Variants in HEATR5B observed in about 807,000 individuals in gnomAD.
HEATR5B encodes the protein HEAT repeat-containing protein 5B.
HEATR5B carries 156 observed loss-of-function variants against 224.1 expected under a neutral mutation model. The ratio of observed to expected loss-of-function variants is 0.70; its 90% confidence interval spans 0.61 to 0.80. The LOEUF is 0.80. Ranked by LOEUF, HEATR5B falls within the 30% of genes least tolerant of loss-of-function variation. HEATR5B has a pLI of 0.00. For synonymous variants in HEATR5B, 1,027 were observed against 893.0 expected, an observed-to-expected ratio of 1.15 and a Z score of -2.68; for missense variants, 2,323 against 2,535.5, an observed-to-expected ratio of 0.92 and a Z score of 1.80.
At position 37,072,147 on chromosome 2, in the gene HEATR5B, T is replaced by C. The variant is rs766941344; in HGVS notation, c.732A>G (p.Thr244=). 1 of 1,614,162 alleles carries C rather than the reference T, an allele frequency of 6.2e-7. No homozygotes were observed. The highest frequency in any genetic ancestry group is 8.5e-7 in the Non-Finnish European group (1 of 1,179,994). ...TTGGCATTAATGCTGTGGCCATGACTGTTCCTAAAAGTTTAGACACTGCCA... is the reference window on the plus strand; with the variant it reads ...TTGGCATTAATGCTGTGGCCATGACCGTTCCTAAAAGTTTAGACACTGCCA... ...VRVAVSKLLG[T]VMATALMPKQ... is the part of the protein sequence containing the mutation. The change falls in exon 6 of 36, where the codon ACA becomes ACG. Residue 244 remains threonine (T), a synonymous_variant. Transcript: ENST00000233099.
intron 5 of HEATR5B, among the ~76,000 whole-genome samples, chr2:37,072,943 G>A (rs1224715896): frequency 6.6e-6 from 1 of 152,178 alleles, no homozygotes; most frequent in Non-Finnish European, 1.5e-5. Context: ...CAGTATCTAT[G>A]TTAAAATTTG....
At chr2:37,008,083 G>A (rs1353434544) in intron 28 of HEATR5B, 1 of 156,254 alleles carries the variant, frequency 6.4e-6, no homozygotes, top group Non-Finnish European at 1.4e-5. Context: ...AAAGGGGGCG[G>A]GGGAACTCCA....
intron 33 of HEATR5B, among the ~76,000 whole-genome samples, chr2:36,995,357 A>G (rs1176746079): frequency 6.6e-6 from 1 of 152,112 alleles, no homozygotes; most frequent in Non-Finnish European, 1.5e-5. Flanking sequence ...CTTTGGGATT[A>G]CAGGTGTGAG....
chr2:36,989,239 C>T (rs1390552280), intron 34 of HEATR5B, among the ~76,000 whole-genome samples: 1 of 152,086 alleles, frequency 6.6e-6, no homozygotes, highest in East Asian at 1.9e-4. Context: ...GTGCGCACCA[C>T]CACACCCAGC....
rs536644377 is a variant in HEATR5B at position 37,007,486 on chromosome 2, G to A, written c.4523-182C>T. 1.9e-3 allele frequency among the ~76,000 whole-genome samples: 290 copies of A among 151,988 alleles called. 2 individuals are homozygous for A. The highest frequency in any genetic ancestry group is 6.8e-3 in the African/African-American group (283 of 41,468). On this transcript the variant is annotated intron_variant, in intron 28 of 35. Coordinates refer to ENST00000233099, the MANE Select transcript of HEATR5B (RefSeq NM_019024.3). Reference sequence around the variant, plus strand: ...AGCCTCCTCAGAAGCTGGGACTACAGACATGCGCCGCAATGCCCAGCTAAT... The same window carrying A: ...AGCCTCCTCAGAAGCTGGGACTACAAACATGCGCCGCAATGCCCAGCTAAT...
rs1333274016 is a variant in HEATR5B at position 37,019,832 on chromosome 2, C to G, written c.4081G>C (p.Asp1361His). Residue 1361 changes from aspartate (D) to histidine (H), a missense_variant, in exon 26 of 36, where the codon GAT becomes CAT. Physicochemically the swap from Asp to His is moderately conservative, Grantham distance 81. Transcript: ENST00000233099. ...RPAFSQDTPSDIIAKACQVCS... is the reference protein window; with the variant it reads ...RPAFSQDTPSHIIAKACQVCS... ...ACCTGGCAAGCTTTCGCTATTATAT[C>G]TGATGGTGTATCTTGTGAAAAGGCT... is the stretch of plus-strand genomic sequence containing the variant. 6.2e-7 allele frequency: 1 copy of G among 1,610,350 alleles called. No individual in the cohort carries two copies. The highest frequency in any genetic ancestry group is 8.5e-7 in the Non-Finnish European group (1 of 1,177,838).
At chr2:37,070,134 A>T (rs1011471970) in intron 7 of HEATR5B, 96 bp downstream of exon 7, 1 of 1,134,626 alleles carries the variant, frequency 8.8e-7, no homozygotes, top group African/African-American at 1.5e-5. Flanking sequence ...TCCTGACCTC[A>T]GGCAATCTGC....
chr2:37,066,432 C>T (rs2148575632), intron 8 of HEATR5B, among the ~76,000 whole-genome samples: 1 of 152,252 alleles, frequency 6.6e-6, no homozygotes, highest in Non-Finnish European at 1.5e-5. Context: ...ACTTTATTAC[C>T]ATTGCTACTT....
At chr2:37,082,593 C>A (rs1417381951) in intron 2 of HEATR5B, among the ~76,000 whole-genome samples, 3 of 152,200 alleles carry the variant, frequency 2.0e-5, no homozygotes, top group Admixed American at 6.5e-5. Context: ...ATACCATGAG[C>A]GATCTGCGCC....
chr2:37,069,637 C>T (rs972008528), intron 7 of HEATR5B, among the ~76,000 whole-genome samples: 3 of 152,076 alleles, frequency 2.0e-5, no homozygotes, highest in Admixed American at 6.5e-5. Flanking sequence ...AACTGAGTTA[C>T]TTTATATCTG....
Position 37,000,728 on chromosome 2 carries a change from A to T in HEATR5B, c.5403T>A (p.Val1801=). 2 of 1,614,168 alleles carry T rather than the reference A, an allele frequency of 1.2e-6. No homozygotes were observed. The highest frequency in any genetic ancestry group is 8.5e-7 in the Non-Finnish European group (1 of 1,179,982). ...GAAGAGCTGCACTGACTGGTGGAGG[A>T]ACCTGATTATCTGCAGACTTTATTG... The part of the protein sequence containing the change: ...DTAIKSADNQ[V]PPPVSAALQG... The change falls in exon 33 of 36, where the codon GTT becomes GTA. Residue 1801 remains valine (V), a synonymous_variant. Coordinates refer to ENST00000233099, the MANE Select transcript of HEATR5B (RefSeq NM_019024.3).
At chr2:37,053,184 A>G (rs1396175936) in intron 17 of HEATR5B, among the ~76,000 whole-genome samples, 1 of 152,236 alleles carries the variant, frequency 6.6e-6, no homozygotes, top group Non-Finnish European at 1.5e-5. Context: ...ATCAAGCTTC[A>G]GCTCTATTTA....
At position 37,062,142 on chromosome 2, in the gene HEATR5B, G is replaced by A. The variant is rs1162422875; in HGVS notation, c.1585-92C>T. 7.7e-6 allele frequency: 6 copies of A among 780,968 alleles called. No individual in the cohort carries two copies. In the Admixed American group the frequency reaches 1.0e-4, roughly 14 times the overall value. 48.4% of individuals were successfully genotyped at this position (780,968 alleles called of 1,614,324 possible). On this transcript the variant is annotated intron_variant, in intron 10 of 35. Transcript: ENST00000233099. ...TAGCATACATTACTTAAAAGAAGTT[G>A]TTGGCTGGATGCGGTGGCTCATGCC...
At position 37,013,969 on chromosome 2, in the gene HEATR5B, G is replaced by A. The variant is rs750393634; in HGVS notation, c.4156C>T (p.Arg1386Cys). Residue 1386 changes from arginine to cysteine, a missense_variant, in exon 27 of 36, where the codon CGT (arginine) becomes TGT (cysteine). Around this residue, in one of 12 missense-constraint regions of HEATR5B, gnomAD observed 339 missense variants for 378.4 expected, o/e 0.90. Transcript: ENST00000233099. ...SGVVSDLNDLRRVHNLLVSSL... is the reference protein window; with the variant it reads ...SGVVSDLNDLCRVHNLLVSSL... ...GAAACAAGAAGATTGTGTACTCGACGGAGATCATTGAGATCACTGACAACT... is the reference window on the plus strand; with the variant it reads ...GAAACAAGAAGATTGTGTACTCGACAGAGATCATTGAGATCACTGACAACT... 3.1e-6 allele frequency: 5 copies of A among 1,609,788 alleles called. 1 individual carries two copies. In the South Asian group the frequency reaches 4.4e-5, roughly 14 times the overall value.
rs778798250 is a variant in HEATR5B, at chr2:37,065,764, C to T, written c.1324G>A (p.Ala442Thr). ...NATASPLIQE[A>T]SIGLLEIVTS... ...TAACTGAATGTCATACCTATAGATGCTTCTTGAATAAGAGGGGATGCGGTG... is the reference window on the plus strand; with the variant it reads ...TAACTGAATGTCATACCTATAGATGTTTCTTGAATAAGAGGGGATGCGGTG... The change falls in exon 9 of 36, where the codon GCA (alanine) becomes ACA (threonine). Residue 442 changes from alanine (A) to threonine (T), a missense_variant. Physicochemically the swap from Ala to Thr is moderately conservative, Grantham distance 58. Around this residue, in one of 12 missense-constraint regions of HEATR5B, gnomAD observed 502 missense variants for 517.8 expected, o/e 0.97. Transcript: ENST00000233099. 1 of 1,613,136 alleles carries T rather than the reference C, an allele frequency of 6.2e-7. No homozygotes were observed. Among genetic ancestry groups the T allele is most frequent in the South Asian group, 1.1e-5 (1 of 90,954 alleles).
chr2:37,046,711 T>C (rs1490760319), intron 18 of HEATR5B, among the ~76,000 whole-genome samples: 4 of 151,564 alleles, frequency 2.6e-5, no homozygotes, highest in Admixed American at 2.6e-4. Context: ...GTTTGCCTAC[T>C]GCAAACTAAA....
At chr2:37,055,403 T>C (rs908846951) in intron 16 of HEATR5B, among the ~76,000 whole-genome samples, 4 of 152,218 alleles carry the variant, frequency 2.6e-5, no homozygotes, top group African/African-American at 4.8e-5. Flanking sequence ...TAACTAGTTG[T>C]ATAACCTTGG....
At chr2:37,037,234 C>T (rs1669552122) in intron 21 of HEATR5B, among the ~76,000 whole-genome samples, 2 of 148,966 alleles carry the variant, frequency 1.3e-5, no homozygotes, top group Non-Finnish European at 3.0e-5. Flanking sequence ...CAACCTCCGC[C>T]TCCTGGGTTC....
chr2:37,058,307 A>G (rs1572906632), intron 14 of HEATR5B, 144 bp downstream of exon 14: 1 of 588,598 alleles, frequency 1.7e-6, no homozygotes, highest in Non-Finnish European at 3.1e-6. Flanking sequence ...GTCAACAAGT[A>G]TCAGCTACTC....
Sources: gnomAD v4.1 joint callset for allele counts (sites outside exome capture counted in the v4.1 genomes callset) on GRCh38, gnomAD v4.1.1 for gene constraint, gnomAD v4.1.1 regional missense constraint, MANE v1.5 for transcripts, NCBI Gene and HGNC (gene_info 2026-07-23, HGNC 2026-07-21) for gene names.